Variants in TBC1D15 observed in about 807,000 individuals in gnomAD.
The protein encoded by TBC1D15 is GAP for RAB7.
Under a neutral mutation model 95.4 loss-of-function variants are expected in TBC1D15, and 39 were observed. The ratio of observed to expected loss-of-function variants is 0.41; its 90% CI spans 0.32 to 0.53. The LOEUF (loss-of-function observed/expected upper bound fraction) is 0.53. Ranked by LOEUF, TBC1D15 falls within the 20% of genes least tolerant of loss-of-function variation. TBC1D15 has a pLI of 0.29. For synonymous variants in TBC1D15, 258 were observed against 261.3 expected (o/e 0.99, Z 0.12); for missense variants, 733 against 794.3 (o/e 0.92, Z 0.93).
chr12:71,858,341 G>A (rs867900027), intron 1 of TBC1D15, among the ~76,000 whole-genome samples: 1 of 152,100 alleles, frequency 6.6e-6, no homozygotes, highest in African/African-American at 2.4e-5. Context: ...CAAAGTGGTG[G>A]GATTACAGGT....
rs1321272063 is a variant in TBC1D15 at position 71,894,766 on chromosome 12, C to A, written c.738C>A (p.Gly246=). 1.2e-6 allele frequency: 2 copies of A among 1,613,142 alleles called. No individual in the cohort carries two copies. The highest frequency in any genetic ancestry group is 1.7e-6 in the Non-Finnish European group (2 of 1,179,430). ...ACTACATTTTTGACAGTTTGAGAGG[C>A]AGCGATCCCTCTACACATCAACGAC... ...VTNYIFDSLR[G]SDPSTHQRPP... Residue 246 remains glycine, a synonymous_variant, in exon 7 of 17, where the codon GGC becomes GGA. Coordinates refer to ENST00000485960, the MANE Select transcript of TBC1D15 (RefSeq NM_001146213.3).
At chr12:71,885,548 T>TA in intron 5 of TBC1D15, among the ~76,000 whole-genome samples, 1 of 152,224 alleles carries the variant, frequency 6.6e-6, no homozygotes, top group East Asian at 1.9e-4. Flanking sequence ...GGGTATCTGT[T>TA]ACATCCCAAC....
At chr12:71,880,706 A>T in intron 4 of TBC1D15, 99 bp downstream of exon 4, 1 of 1,310,872 alleles carries the variant, frequency 7.6e-7, no homozygotes. Flanking sequence ...AGTGAGAAGG[A>T]TGATTAATTT....
chr12:71,897,403 T>G (rs1898416506), intron 9 of TBC1D15: 1 of 160,452 alleles, frequency 6.2e-6, no homozygotes, highest in Non-Finnish European at 1.4e-5. Flanking sequence ...TTACCAGTTC[T>G]TCTAAGACAT....
chr12:71,897,895 A>G lies in TBC1D15; in HGVS notation c.1137A>G (p.Glu379=). The part of the protein sequence containing the change: ...MKLQWKSISQ[E]QEKRNSRLRD... ...TGCAGTGGAAATCCATCAGCCAGGA[A>G]CAAGAGAAAAGAAATTCGAGGTTAA... Residue 379 remains glutamate, a synonymous_variant, in exon 10 of 17, where the codon GAA becomes GAG. Coordinates refer to ENST00000485960, the MANE Select transcript of TBC1D15 (RefSeq NM_001146213.3). 6.2e-7 allele frequency: 1 copy of G among 1,612,846 alleles called. No individual in the cohort carries two copies. Among genetic ancestry groups the G allele is most frequent in the Non-Finnish European group, 8.5e-7 (1 of 1,179,166 alleles).
intron 1 of TBC1D15, among the ~76,000 whole-genome samples, chr12:71,847,587 C>T (rs538728026): frequency 1.2e-4 from 18 of 151,544 alleles, no homozygotes; most frequent in Admixed American, 3.9e-4. Flanking sequence ...TCCAGCTACT[C>T]GGGAGGCTGA....
intron 12 of TBC1D15, among the ~76,000 whole-genome samples, chr12:71,916,958 A>T (rs529163460): frequency 6.6e-6 from 1 of 152,184 alleles, no homozygotes; most frequent in Admixed American, 6.5e-5. Flanking sequence ...AGAAACTTGT[A>T]TTCATTTATT....
intron 8 of TBC1D15, 61 bp from the exon 9 acceptor site, chr12:71,896,616 T>C: frequency 7.1e-7 from 1 of 1,412,412 alleles, no homozygotes; most frequent in South Asian, 1.3e-5. Context: ...ATGCAAGTTT[T>C]GTGAACTTAC....
intron 5 of TBC1D15, among the ~76,000 whole-genome samples, 189 bp from the exon 6 acceptor site, chr12:71,893,033 T>G (rs1397960723): frequency 6.6e-6 from 1 of 151,816 alleles, no homozygotes; most frequent in African/African-American, 2.4e-5. Flanking sequence ...ATTTTGTATT[T>G]TATGTTTCAT....
At chr12:71,840,213 T>G (rs187377264) in intron 1 of TBC1D15, among the ~76,000 whole-genome samples, 1 of 152,248 alleles carries the variant, frequency 6.6e-6, no homozygotes, top group Non-Finnish European at 1.5e-5. Flanking sequence ...TGCCTCTGTC[T>G]TCTTTGCTAC....
At chr12:71,850,217 C>A in intron 1 of TBC1D15, 1 of 567,862 alleles carries the variant, frequency 1.8e-6, no homozygotes, top group South Asian at 1.5e-5. Context: ...AGACCTAACT[C>A]TTGGTATAAC....
chr12:71,839,807 G>A lies in TBC1D15; in HGVS notation c.26G>A (p.Gly9Glu). MAAAGVVS[G>E]KIIYEQEGVY... The stretch of plus-strand genomic sequence containing the variant: ...ATGGCGGCGGCGGGTGTTGTGAGCG[G>A]GAAGGTAGGTAACGGCCTCCAGGAA... The change falls in exon 1 of 17, where the codon GGG becomes GAG. Residue 9 changes from glycine (G) to glutamate (E), a missense_variant. Physicochemically the swap from Gly to Glu is moderately conservative, Grantham distance 98. Transcript: ENST00000485960. The A allele has an allele frequency of 6.2e-7, 1 of 1,614,168 alleles. No homozygotes were observed. Among genetic ancestry groups the A allele is most frequent in the Non-Finnish European group, 8.5e-7 (1 of 1,180,020 alleles).
intron 4 of TBC1D15, 147 bp from the exon 5 acceptor site, chr12:71,884,664 T>A: frequency 1.6e-6 from 1 of 621,518 alleles, no homozygotes; most frequent in Non-Finnish European, 2.8e-6. Flanking sequence ...AGTAGCCATA[T>A]CTAATACAGG....
rs368477763 is a variant in TBC1D15, at chr12:71,873,123, A to C, written c.204+120A>C. On this transcript the variant is annotated intron_variant, in intron 3 of 16. Coordinates refer to ENST00000485960, the MANE Select transcript of TBC1D15 (RefSeq NM_001146213.3). ...TAAAGCATACAATTCAGTGGTTTTT[A>C]GCATATTTACAGAGTTGTGCAGCCA... The C allele has an allele frequency of 1.6e-4, 106 of 661,468 alleles. 2 individuals are homozygous for C. The highest frequency in any genetic ancestry group is 8.9e-4 in the South Asian group (37 of 41,470). The allele number at this position is 661,468 out of a possible 1,614,324, so 41.0% of individuals were successfully genotyped here.
intron 1 of TBC1D15, among the ~76,000 whole-genome samples, chr12:71,859,621 T>A (rs1485477705): frequency 2.6e-5 from 4 of 152,154 alleles, no homozygotes; most frequent in African/African-American, 4.8e-5. Flanking sequence ...CTTTTTGTTT[T>A]TTTTGAGATG....
At chr12:71,904,689 A>G (rs1272803195) in intron 10 of TBC1D15, among the ~76,000 whole-genome samples, 1 of 152,174 alleles carries the variant, frequency 6.6e-6, no homozygotes, top group Non-Finnish European at 1.5e-5. Flanking sequence ...CAGGGAGACT[A>G]TATAAATTCA....
chr12:71,872,163 G>A lies in TBC1D15; in HGVS notation c.124G>A (p.Glu42Lys). ...GLISGILRVLEKDAEVIVDWR... is the reference protein window; with the variant it reads ...GLISGILRVLKKDAEVIVDWR... ...GATTTCAGGAATATTACGTGTTTTA[G>A]AAAAGGTAAGTTTCTAGTAAATGAT... Residue 42 changes from glutamate (E) to lysine (K), a missense_variant, in exon 2 of 17, where the codon GAA becomes AAA. Coordinates refer to ENST00000485960, the MANE Select transcript of TBC1D15 (RefSeq NM_001146213.3). 1 of 1,546,768 alleles carries A rather than the reference G, an allele frequency of 6.5e-7. No individual in the cohort carries two copies.
intron 5 of TBC1D15, among the ~76,000 whole-genome samples, chr12:71,890,838 T>G (rs1344709105): frequency 6.6e-6 from 1 of 152,238 alleles, no homozygotes; most frequent in African/African-American, 2.4e-5. Flanking sequence ...TGATATTCAC[T>G]TGGATAAAAG....
chr12:71,923,954 C>G lies in TBC1D15; in HGVS notation c.*750C>G, dbSNP rs1050713850. The G allele has an allele frequency of 5.2e-5, 8 of 152,472 alleles. No individual in the cohort carries two copies. The highest frequency in any genetic ancestry group is 5.2e-4 in the Admixed American group (8 of 15,260). 9.4% of individuals were successfully genotyped at this position (152,472 alleles called of 1,614,324 possible). Reference sequence around the variant, plus strand: ...CTTCAGTATGAGATCTTTTTCAAAACTATTTTCTTAAACATTTATTTCATG... The same window carrying G: ...CTTCAGTATGAGATCTTTTTCAAAAGTATTTTCTTAAACATTTATTTCATG... On this transcript the variant is annotated 3_prime_UTR_variant, in exon 17 of 17. Coordinates refer to ENST00000485960, the MANE Select transcript of TBC1D15 (RefSeq NM_001146213.3).
Sources: allele counts gnomAD v4.1 joint callset (sites outside exome capture counted in the v4.1 genomes callset), GRCh38; gene constraint gnomAD v4.1.1; transcripts MANE v1.5; gene names NCBI Gene and HGNC (gene_info 2026-07-23, HGNC 2026-07-21).